Variants in SCAI observed in about 807,000 individuals in gnomAD.
SCAI encodes protein SCAI.
A neutral mutation model predicts 92.2 loss-of-function variants in SCAI; 24 were observed. The ratio of observed to expected loss-of-function variants is 0.26; its 90% CI spans 0.19 to 0.37. The LOEUF is 0.37. SCAI is among the 10% of genes least tolerant of loss of function. The probability of loss-of-function intolerance (pLI) is 1.00; values close to 1 mark genes in which losing one functional copy is unlikely to be tolerated. For synonymous variants in SCAI, 261 were observed against 258.6 expected (o/e 1.01, Z -0.09); for missense variants, 450 against 736.2 (o/e 0.61, Z 4.50).
At chr9:125,046,336 T>TAG (rs1833441448) in intron 3 of SCAI, among the ~76,000 whole-genome samples, 1 of 38,510 alleles carries the variant, frequency 2.6e-5, no homozygotes, top group African/African-American at 9.6e-5. Flanking sequence ...CACACACATA[T>TAG]ATATATGTGT....
At chr9:125,010,757 G>C (rs1832619145) in intron 9 of SCAI, among the ~76,000 whole-genome samples, 1 of 152,148 alleles carries the variant, frequency 6.6e-6, no homozygotes, top group South Asian at 2.1e-4. Flanking sequence ...CCCGACCCCT[G>C]AGCAGCCTAA....
chr9:125,050,775 C>T (rs758325722), intron 3 of SCAI, among the ~76,000 whole-genome samples: 2 of 152,030 alleles, frequency 1.3e-5, no homozygotes, highest in Non-Finnish European at 2.9e-5. Flanking sequence ...CTTCCTATGT[C>T]GCCAGGCTGG....
intron 2 of SCAI, among the ~76,000 whole-genome samples, chr9:125,127,537 C>T (rs1463473767): frequency 6.6e-6 from 1 of 151,904 alleles, no homozygotes; most frequent in African/African-American, 2.4e-5. Context: ...CCCCCAAGGG[C>T]AGAATTTGAT....
intron 14 of SCAI, among the ~76,000 whole-genome samples, chr9:124,984,115 T>A (rs1039861612): frequency 2.0e-5 from 3 of 152,190 alleles, no homozygotes; most frequent in African/African-American, 7.2e-5. Context: ...CTCAAACACC[T>A]AAAGAATAAT....
chr9:125,107,354 A>G (rs913538491), intron 2 of SCAI, among the ~76,000 whole-genome samples: 2 of 151,228 alleles, frequency 1.3e-5, no homozygotes, highest in East Asian at 3.9e-4. Context: ...GGTTGCAGTG[A>G]GCCGAGATCG....
intron 2 of SCAI, among the ~76,000 whole-genome samples, chr9:125,125,129 G>A (rs1835233848): frequency 6.6e-6 from 1 of 152,200 alleles, no homozygotes; most frequent in Admixed American, 6.5e-5. Flanking sequence ...GCTGAGGCAG[G>A]AGAATCGCTT....
chr9:125,096,259 CT>C (rs974239100), intron 2 of SCAI, among the ~76,000 whole-genome samples: 3 of 152,132 alleles, frequency 2.0e-5, no homozygotes, highest in Non-Finnish European at 4.4e-5. Flanking sequence ...GGAACTCCCC[CT>C]TGCAGAACCA....
At chr9:125,012,040 A>G (rs1384309746) in intron 9 of SCAI, among the ~76,000 whole-genome samples, 2 of 152,198 alleles carry the variant, frequency 1.3e-5, no homozygotes, top group African/African-American at 4.8e-5. Context: ...AGCACTAAAC[A>G]TGGAAAGGAA....
intron 2 of SCAI, among the ~76,000 whole-genome samples, chr9:125,067,728 G>C (rs897238143): frequency 2.0e-5 from 3 of 152,062 alleles, no homozygotes; most frequent in African/African-American, 4.8e-5. Flanking sequence ...GAAGTTCAAC[G>C]CCCTTTCATT....
At chr9:125,102,812 G>A (rs1025620638) in intron 2 of SCAI, among the ~76,000 whole-genome samples, 2 of 152,212 alleles carry the variant, frequency 1.3e-5, no homozygotes, top group East Asian at 1.9e-4. Flanking sequence ...TGGCCAGGCT[G>A]GTCTTGAATG....
At chr9:125,122,545 C>T (rs376182305) in intron 2 of SCAI, among the ~76,000 whole-genome samples, 5 of 141,534 alleles carry the variant, frequency 3.5e-5, no homozygotes, top group African/African-American at 7.9e-5. Flanking sequence ...ACCAAGATTG[C>T]GCTACTGCAC....
At chr9:125,143,332 G>T in intron 1 of SCAI, 53 bp downstream of exon 1, 1 of 992,550 alleles carries the variant, frequency 1.0e-6, no homozygotes, top group Non-Finnish European at 1.3e-6. Context: ...CCCTGGGCCC[G>T]CTCCCTGGCC....
At chr9:124,956,470 C>T (rs542102399) in intron 17 of SCAI, among the ~76,000 whole-genome samples, 16 of 152,324 alleles carry the variant, frequency 1.1e-4, no homozygotes, top group South Asian at 1.0e-3. Flanking sequence ...CTGCCCACCT[C>T]GACCTCCCAA....
intron 9 of SCAI, among the ~76,000 whole-genome samples, chr9:125,010,440 G>A (rs1003513712): frequency 2.6e-5 from 4 of 152,224 alleles, no homozygotes; most frequent in African/African-American, 9.6e-5. Context: ...TAGCACAGCA[G>A]TCTGAGATCA....
At chr9:125,002,413 C>T (rs993996384) in intron 11 of SCAI, among the ~76,000 whole-genome samples, 3 of 151,644 alleles carry the variant, frequency 2.0e-5, no homozygotes, top group African/African-American at 7.3e-5. Context: ...ACAGTTCTTT[C>T]AGATGATCTA....
chr9:124,958,160 T>G (rs1382098955), intron 17 of SCAI, among the ~76,000 whole-genome samples: 1 of 152,212 alleles, frequency 6.6e-6, no homozygotes, highest in Non-Finnish European at 1.5e-5. Flanking sequence ...ATTAAAATAG[T>G]AATTCCCCAC....
intron 17 of SCAI, among the ~76,000 whole-genome samples, chr9:124,956,508 CGCGCCTG>C (rs1462217568): frequency 2.0e-5 from 3 of 152,110 alleles, no homozygotes; most frequent in Non-Finnish European, 4.4e-5. Flanking sequence ...CGTGAGCCAC[CGCGCCTG>C]GCTGATTTAA....
At chr9:125,071,485 G>A (rs1833978842) in intron 2 of SCAI, among the ~76,000 whole-genome samples, 1 of 152,166 alleles carries the variant, frequency 6.6e-6, no homozygotes, top group Admixed American at 6.6e-5. Context: ...TAAAGAAACT[G>A]AATAATACCA....
rs1834427246 is a variant in SCAI at position 125,091,499 on chromosome 9, A to C, written c.99-35492T>G. ...AAAGCTAAAATTCTAAATACCATTCACATCACCGACCTCCTAAAAACAGCT... is the reference window on the plus strand; with the variant it reads ...AAAGCTAAAATTCTAAATACCATTCCCATCACCGACCTCCTAAAAACAGCT... On this transcript the variant is annotated intron_variant, in intron 2 of 17. Coordinates refer to ENST00000336505, the MANE Select transcript of SCAI (RefSeq NM_001144877.3). This position sits in a 1 kb window ranked among gnomAD's most constrained non-coding sequence, Gnocchi z 4.3. Among the ~76,000 whole-genome samples the C allele has an allele frequency of 6.6e-6, 1 of 152,172 alleles. No individual in the cohort carries two copies. Among genetic ancestry groups the C allele is most frequent in the African/African-American group, 2.4e-5 (1 of 41,436 alleles).
Sources: allele counts gnomAD v4.1 joint callset (sites outside exome capture counted in the v4.1 genomes callset), GRCh38; gene constraint gnomAD v4.1.1; non-coding constraint Gnocchi (gnomAD v3.1); transcripts MANE v1.5; gene names NCBI Gene and HGNC (gene_info 2026-07-23, HGNC 2026-07-21).